WNT7A: variants seen among roughly 807,000 people sequenced by gnomAD.
WNT7A encodes the protein protein Wnt-7a.
In WNT7A, 16 loss-of-function variants were observed where a neutral mutation model predicts 28.2. The observed-to-expected ratio is 0.57, with a 90% CI of 0.38 to 0.86. The LOEUF is 0.86. WNT7A is among the 40% of genes least tolerant of loss of function. The pLI is 0.00. For synonymous variants in WNT7A, 190 were observed against 195.9 expected (o/e 0.97, Z 0.25); for missense variants, 411 against 489.7 (o/e 0.84, Z 1.52).
chr3:13,825,360 A>G (rs1178050353), intron 3 of WNT7A, among the ~76,000 whole-genome samples: 37 of 152,136 alleles, frequency 2.4e-4, no homozygotes, highest in Admixed American at 2.4e-3. Context: ...TAGCACTGTG[A>G]TGACCTGCCT....
At chr3:13,866,790 C>A (rs929443107) in intron 2 of WNT7A, among the ~76,000 whole-genome samples, 1 of 152,068 alleles carries the variant, frequency 6.6e-6, no homozygotes. Context: ...CAGCAGGATG[C>A]CACACGGAGC....
At chr3:13,837,515 C>A (rs1237017545) in intron 3 of WNT7A, among the ~76,000 whole-genome samples, 1 of 149,998 alleles carries the variant, frequency 6.7e-6, no homozygotes, top group Non-Finnish European at 1.5e-5. Flanking sequence ...CCAGGAGACA[C>A]CCAGCAAGCA....
chr3:13,873,119 C>T (rs1210511115), intron 2 of WNT7A, among the ~76,000 whole-genome samples: 1 of 152,070 alleles, frequency 6.6e-6, no homozygotes, highest in Non-Finnish European at 1.5e-5. Flanking sequence ...AAACTGGAGT[C>T]TCAGTGTTGA....
intron 3 of WNT7A, among the ~76,000 whole-genome samples, chr3:13,843,578 C>T (rs1044714419): frequency 7.2e-5 from 11 of 152,148 alleles, no homozygotes; most frequent in Middle Eastern, 3.4e-3. Context: ...AGAACACCTC[C>T]GGGGGACTGA....
chr3:13,839,459 G>T (rs1159052311), intron 3 of WNT7A, among the ~76,000 whole-genome samples: 1 of 152,206 alleles, frequency 6.6e-6, no homozygotes, highest in Non-Finnish European at 1.5e-5. Flanking sequence ...AGCCCATGGC[G>T]TCCTTTAAAC....
At chr3:13,859,301 C>A (rs925681472) in intron 2 of WNT7A, among the ~76,000 whole-genome samples, 6 of 152,184 alleles carry the variant, frequency 3.9e-5, no homozygotes, top group Non-Finnish European at 8.8e-5. Flanking sequence ...GTGAGACAGA[C>A]CTGAGTCCTA....
chr3:13,833,164 C>A (rs1267706036), intron 3 of WNT7A, among the ~76,000 whole-genome samples: 2 of 152,054 alleles, frequency 1.3e-5, no homozygotes, highest in East Asian at 3.9e-4. Flanking sequence ...CCCCATGCAA[C>A]CCCCCACAGG....
At chr3:13,850,355 AG>A (rs1559301183) in intron 3 of WNT7A, among the ~76,000 whole-genome samples, 2 of 152,206 alleles carry the variant, frequency 1.3e-5, no homozygotes, top group Non-Finnish European at 2.9e-5. Flanking sequence ...CCCAGCTGCC[AG>A]GGGCTGGTCC....
chr3:13,854,692 T>C lies in WNT7A; in HGVS notation c.410A>G (p.Lys137Arg), dbSNP rs1226190175. The C allele has an allele frequency of 2.5e-6, 4 of 1,614,198 alleles. No homozygotes were observed. Among genetic ancestry groups the C allele is most frequent in the East Asian group, 2.2e-5 (1 of 44,882 alleles). The change falls in exon 3 of 4, where the codon AAG (lysine) becomes AGG (arginine). Residue 137 changes from lysine to arginine, a missense_variant. By Grantham distance (26) the Lys-to-Arg change is conservative. Coordinates refer to ENST00000285018, the MANE Select transcript of WNT7A (RefSeq NM_004625.4). ...CTCGTCCCGGTGGTACTGGCCTTGC[T>C]TCTCTTTGTCGCAGCCACAGTCGCT... ...NLSDCGCDKE[K>R]QGQYHRDEGW...
chr3:13,816,833 C>T lies in WNT7A; in HGVS notation c.*2111G>A, dbSNP rs1694012154. Reference sequence around the variant, plus strand: ...TTCACCCACCCACCTACTTATCCATCCACACATCTACCCATTCACCTACCT... The same window carrying T: ...TTCACCCACCCACCTACTTATCCATTCACACATCTACCCATTCACCTACCT... On this transcript the variant is annotated 3_prime_UTR_variant, in exon 4 of 4. Transcript: ENST00000285018. 2 of 152,298 alleles carry T rather than the reference C, an allele frequency of 1.3e-5. No individual in the cohort carries two copies. Among genetic ancestry groups the T allele is most frequent in the Admixed American group, 6.5e-5 (1 of 15,272 alleles). The allele number at this position is 152,298 out of a possible 1,614,324, so 9.4% of individuals were successfully genotyped here. A position where few individuals can be genotyped will look rare whatever the true frequency, so the allele number is the denominator to read the frequency against.
At chr3:13,835,753 C>T (rs1287171779) in intron 3 of WNT7A, among the ~76,000 whole-genome samples, 2 of 152,234 alleles carry the variant, frequency 1.3e-5, no homozygotes, top group Admixed American at 6.5e-5. Flanking sequence ...TTCATAATAA[C>T]CAAAAGATGA....
chr3:13,856,829 TGAA>T (rs1182514269), intron 2 of WNT7A, among the ~76,000 whole-genome samples: 1 of 83,220 alleles, frequency 1.2e-5, no homozygotes, highest in Non-Finnish European at 2.7e-5. Flanking sequence ...AAGAAGAAGA[TGAA>T]GGAGAAGAAG....
chr3:13,825,040 A>C (rs886233052), intron 3 of WNT7A, among the ~76,000 whole-genome samples: 3 of 152,212 alleles, frequency 2.0e-5, no homozygotes, highest in African/African-American at 7.2e-5. Flanking sequence ...AAAGGCTTGC[A>C]GCTTGGGAGC....
intron 2 of WNT7A, among the ~76,000 whole-genome samples, chr3:13,872,035 C>T (rs1049705822): frequency 6.6e-6 from 1 of 152,154 alleles, no homozygotes; most frequent in Non-Finnish European, 1.5e-5. Context: ...CTACTGTTCC[C>T]TTTGCCCGAC....
intron 3 of WNT7A, among the ~76,000 whole-genome samples, chr3:13,846,930 G>C (rs2124850650): frequency 6.6e-6 from 1 of 152,278 alleles, no homozygotes; most frequent in South Asian, 2.1e-4. Flanking sequence ...CCAGAGCAAA[G>C]TGGGATGCCA....
intron 3 of WNT7A, among the ~76,000 whole-genome samples, chr3:13,846,209 A>G (rs1694535343): frequency 6.6e-6 from 1 of 152,242 alleles, no homozygotes; most frequent in Non-Finnish European, 1.5e-5. Context: ...CCAAATGACC[A>G]CATAGTGGGG....
chr3:13,880,006 A>C lies in WNT7A; in HGVS notation c.-190T>G. On this transcript the variant is annotated 5_prime_UTR_variant, in exon 1 of 4. Transcript: ENST00000285018. Reference sequence around the variant, plus strand: ...AGCACGGGAGCCACGGAGCGGGAGGAGGGAGGGAGGAGCGAGCGCGGCGTG... The same window carrying C: ...AGCACGGGAGCCACGGAGCGGGAGGCGGGAGGGAGGAGCGAGCGCGGCGTG... 2.6e-6 allele frequency: 1 copy of C among 387,208 alleles called. No homozygotes were observed. Among genetic ancestry groups the C allele is most frequent in the Non-Finnish European group, 4.5e-6 (1 of 222,828 alleles). 24.0% of individuals were successfully genotyped at this position (387,208 alleles called of 1,614,324 possible).
chr3:13,818,985 T>C lies in WNT7A; in HGVS notation c.1009A>G (p.Asn337Asp). The C allele has an allele frequency of 6.2e-7, 1 of 1,603,714 alleles. No individual in the cohort carries two copies. Among genetic ancestry groups the C allele is most frequent in the Non-Finnish European group, 8.5e-7 (1 of 1,171,986 alleles). The change falls in exon 4 of 4, where the codon AAC becomes GAC. Residue 337 changes from asparagine to aspartate, a missense_variant. Transcript: ENST00000285018. ...KFHWCCYVKC[N>D]TCSERTEMYT... The stretch of plus-strand genomic sequence containing the variant: ...ATCTCCGTGCGCTCGCTGCACGTGT[T>C]GCACTTGACATAGCAGCACCAGTGG...
chr3:13,843,040 C>T lies in WNT7A; in HGVS notation c.570+11492G>A, dbSNP rs546446731. Among the ~76,000 whole-genome samples, 5 of 152,282 alleles carry T rather than the reference C, an allele frequency of 3.3e-5. No individual in the cohort carries two copies. In the South Asian group the frequency reaches 8.3e-4, roughly 25 times the overall value. ...TTGGATAAAGGAGGACCAGCGTGGC[C>T]TTGCCATGGCTTGGTGTCCTGTGGC... is the stretch of plus-strand genomic sequence containing the variant. On this transcript the variant is annotated intron_variant, in intron 3 of 3. Transcript: ENST00000285018.
Sources: allele counts gnomAD v4.1 joint callset (sites outside exome capture counted in the v4.1 genomes callset), GRCh38; gene constraint gnomAD v4.1.1; transcripts MANE v1.5; gene names NCBI Gene and HGNC (gene_info 2026-07-23, HGNC 2026-07-21).